PPP1R1A: variants seen among roughly 807,000 people sequenced by gnomAD.
PPP1R1A encodes the protein protein phosphatase 1 regulatory subunit 1A.
PPP1R1A carries 18 observed loss-of-function variants against 23.9 expected under a neutral mutation model. The ratio of observed to expected loss-of-function variants is 0.75; its 90% CI spans 0.52 to 1.12. PPP1R1A has a LOEUF of 1.12. Among genes scored for constraint, PPP1R1A ranks in the 50% most tolerant of loss-of-function variants. The pLI is 0.00. For missense variants in PPP1R1A, 207 were observed against 223.8 expected (o/e 0.92, Z 0.48); for synonymous variants, 84 against 80.7 (o/e 1.04, Z -0.22).
chr12:54,586,737 C>T (rs1432947059), intron 1 of PPP1R1A, among the ~76,000 whole-genome samples: 1 of 152,146 alleles, frequency 6.6e-6, no homozygotes, highest in Non-Finnish European at 1.5e-5. Flanking sequence ...TGTGCCCCTC[C>T]CTTGTCTCCT....
At chr12:54,584,077 A>T (rs1023564933) in intron 2 of PPP1R1A, among the ~76,000 whole-genome samples, 183 bp downstream of exon 2, 3 of 152,142 alleles carry the variant, frequency 2.0e-5, no homozygotes, top group Middle Eastern at 3.2e-3. Context: ...CTTTCCTAGA[A>T]CTGCTCCATC....
At position 54,581,861 on chromosome 12, in the gene PPP1R1A, C is replaced by T. The variant is rs1417241166; in HGVS notation, c.403+115G>A. The stretch of plus-strand genomic sequence containing the variant: ...TCCATATCCTTGAGACAGTTTTTGC[C>T]TACTACTAGGCCTCTCCCAGGCTCC... On this transcript the variant is annotated intron_variant, in intron 5 of 6. Transcript: ENST00000257905. This position sits in a 1 kb window ranked among gnomAD's most constrained non-coding sequence, Gnocchi z 4.1. 8.3e-7 allele frequency: 1 copy of T among 1,208,668 alleles called. No homozygotes were observed. The allele number at this position is 1,208,668 out of a possible 1,614,324, so 74.9% of individuals were successfully genotyped here.
At chr12:54,583,155 C>G (rs764246851) in intron 3 of PPP1R1A, 56 bp downstream of exon 3, 17 of 1,504,426 alleles carry the variant, frequency 1.1e-5, no homozygotes, top group Non-Finnish European at 1.5e-5. Flanking sequence ...AAGGAATAAT[C>G]CCCTAATGAA....
chr12:54,586,586 C>A (rs929138913), intron 1 of PPP1R1A, among the ~76,000 whole-genome samples: 4 of 152,186 alleles, frequency 2.6e-5, no homozygotes, highest in African/African-American at 4.8e-5. Context: ...AAGCCTGGAG[C>A]TTTTTGCCTA....
At position 54,581,955 on chromosome 12, in the gene PPP1R1A, C is replaced by T. The variant is rs201043916; in HGVS notation, c.403+21G>A. 1.3e-6 allele frequency: 2 copies of T among 1,593,950 alleles called. No homozygotes were observed. Among genetic ancestry groups the T allele is most frequent in the African/African-American group, 1.3e-5 (1 of 74,514 alleles). On this transcript the variant is annotated intron_variant, in intron 5 of 6. Transcript: ENST00000257905. The surrounding 1 kb of genome is among the most constrained non-coding windows in gnomAD (Gnocchi z 4.1). Reference sequence around the variant, plus strand: ...GGGCTGGGAAATAGGATGCCTGGGGCCCTCCCCAGCCTGAACATACTTTTT... The same window carrying T: ...GGGCTGGGAAATAGGATGCCTGGGGTCCTCCCCAGCCTGAACATACTTTTT...
chr12:54,588,311 A>G, intron 1 of PPP1R1A, 94 bp downstream of exon 1: 1 of 865,956 alleles, frequency 1.2e-6, no homozygotes, highest in South Asian at 2.2e-5. Context: ...CGCACTGCTA[A>G]GGGAGGACTA....
In PPP1R1A at chr12:54,579,867, T is replaced by C. The variant is rs1260457918; in HGVS notation, c.*520A>G. ...CCTCTTTCCCATGGGCCAAGTGCCA[T>C]GGTGCAGTTCCCCTTTTGTCCAGCA... On this transcript the variant is annotated 3_prime_UTR_variant, in exon 7 of 7. Transcript: ENST00000257905. 2.0e-6 allele frequency: 2 copies of C among 985,836 alleles called. No homozygotes were observed. The highest frequency in any genetic ancestry group is 3.5e-5 in the African/African-American group (2 of 57,242). 61.1% of individuals were successfully genotyped at this position (985,836 alleles called of 1,614,324 possible).
Position 54,581,368 on chromosome 12 carries a change from T to G in PPP1R1A, c.404-318A>C, listed in dbSNP as rs1228614445. Among the ~76,000 whole-genome samples the G allele has an allele frequency of 1.3e-5, 2 of 152,228 alleles. No homozygotes were observed. The highest frequency in any genetic ancestry group is 4.8e-5 in the African/African-American group (2 of 41,460). ...TCTTTATTCTGCTTAGTGAGACCAT[T>G]CACTGGATTGCAGAAATATTATGTG... is the stretch of plus-strand genomic sequence containing the variant. On this transcript the variant is annotated intron_variant, in intron 5 of 6. Coordinates refer to ENST00000257905, the MANE Select transcript of PPP1R1A (RefSeq NM_006741.4). This position sits in a 1 kb window ranked among gnomAD's most constrained non-coding sequence, Gnocchi z 4.1.
chr12:54,584,165 A>C, intron 2 of PPP1R1A, 95 bp downstream of exon 2: 8 of 1,246,256 alleles, frequency 6.4e-6, no homozygotes, highest in Non-Finnish European at 9.2e-6. Flanking sequence ...CCGCCTTCTC[A>C]GAGCTGTTCT....
At position 54,588,420 on chromosome 12, in the gene PPP1R1A, G is replaced by C. The variant is rs1957933578; in HGVS notation, c.69C>G (p.Pro23=). Residue 23 remains proline, a synonymous_variant, in exon 1 of 7, where the codon CCC becomes CCG. Transcript: ENST00000257905. ...TVPLLEPHLD[P]EAAEQIRRRR... is the part of the protein sequence containing the mutation. ...TGCTCCGCACCTGCTCCGCCGCCTC[G>C]GGGTCAAGGTGCGGCTCCAGCAGCG... is the stretch of plus-strand genomic sequence containing the variant. The C allele has an allele frequency of 1.3e-6, 2 of 1,500,048 alleles. No individual in the cohort carries two copies. The highest frequency in any genetic ancestry group is 1.8e-6 in the Non-Finnish European group (2 of 1,119,926). The allele number at this position is 1,500,048 out of a possible 1,614,324, so 92.9% of individuals were successfully genotyped here.
chr12:54,579,434 A>T lies in PPP1R1A; in HGVS notation c.*953T>A, dbSNP rs1392901785. On this transcript the variant is annotated 3_prime_UTR_variant, in exon 7 of 7. Transcript: ENST00000257905. The stretch of plus-strand genomic sequence containing the variant: ...ATAGTAGCTGCATGGCAGAAGTGGG[A>T]CCTGACGCTTCTCAGGCTCTGCTCT... 5 of 985,168 alleles carry T rather than the reference A, an allele frequency of 5.1e-6. No individual in the cohort carries two copies. In the African/African-American group the frequency reaches 8.7e-5, roughly 17 times the overall value. The allele number at this position is 985,168 out of a possible 1,614,324, so 61.0% of individuals were successfully genotyped here.
intron 1 of PPP1R1A, among the ~76,000 whole-genome samples, chr12:54,588,047 A>G (rs1248838388): frequency 2.0e-5 from 3 of 150,298 alleles, no homozygotes; most frequent in African/African-American, 7.4e-5. Flanking sequence ...AAGCTCAGAA[A>G]CTCTAGTGGG....
chr12:54,581,017 C>G lies in PPP1R1A; in HGVS notation c.437G>C (p.Arg146Thr). Residue 146 changes from arginine to threonine, a missense_variant, in exon 6 of 7, where the codon AGA becomes ACA. By Grantham distance (71) the Arg-to-Thr change is moderately conservative (BLOSUM62 -1). Coordinates refer to ENST00000257905, the MANE Select transcript of PPP1R1A (RefSeq NM_006741.4). This position sits in a 1 kb window ranked among gnomAD's most constrained non-coding sequence, Gnocchi z 4.1. ...TTTTGTGCTGGGTTCCTTACTGCCTCTCTCGTGAGTTTTAGGGATGCATTC... is the reference window on the plus strand; with the variant it reads ...TTTTGTGCTGGGTTCCTTACTGCCTGTCTCGTGAGTTTTAGGGATGCATTC... ...TAECIPKTHE[R>T]GSKEPSTKEP... 1 of 1,613,828 alleles carries G rather than the reference C, an allele frequency of 6.2e-7. No individual in the cohort carries two copies. Among genetic ancestry groups the G allele is most frequent in the Non-Finnish European group, 8.5e-7 (1 of 1,179,778 alleles).
In PPP1R1A at chr12:54,581,504, C is replaced by T. The variant is rs1239658913; in HGVS notation, c.404-454G>A. On this transcript the variant is annotated intron_variant, in intron 5 of 6. Coordinates refer to ENST00000257905, the MANE Select transcript of PPP1R1A (RefSeq NM_006741.4). The surrounding 1 kb of genome is among the most constrained non-coding windows in gnomAD (Gnocchi z 4.1). ...TCTGGAATATATCTAGGATAAGGGA[C>T]ATAGCGCACTGCTACCAGCTTCCAC... Among the ~76,000 whole-genome samples, 1 of 152,218 alleles carries T rather than the reference C, an allele frequency of 6.6e-6. No homozygotes were observed. Among genetic ancestry groups the T allele is most frequent in the Admixed American group, 6.5e-5 (1 of 15,284 alleles).
At chr12:54,585,865 C>T (rs777155467) in intron 1 of PPP1R1A, among the ~76,000 whole-genome samples, 25 of 152,104 alleles carry the variant, frequency 1.6e-4, no homozygotes, top group Non-Finnish European at 3.1e-4. Context: ...AATTCAGTGG[C>T]ATCTGTTTTT....
intron 2 of PPP1R1A, among the ~76,000 whole-genome samples, 166 bp from the exon 3 acceptor site, chr12:54,583,414 G>A (rs1055003647): frequency 6.6e-6 from 1 of 152,098 alleles, no homozygotes; most frequent in African/African-American, 2.4e-5. Flanking sequence ...CCTCCTCCCC[G>A]AAGCTCCTCT....
intron 1 of PPP1R1A, among the ~76,000 whole-genome samples, chr12:54,587,788 G>A (rs1256785466): frequency 1.3e-5 from 2 of 152,034 alleles, no homozygotes; most frequent in African/African-American, 4.8e-5. Context: ...GCGGAGACTT[G>A]AAGAAGGGAG....
chr12:54,579,951 T>G lies in PPP1R1A; in HGVS notation c.*436A>C, dbSNP rs1957838598. On this transcript the variant is annotated 3_prime_UTR_variant, in exon 7 of 7. Coordinates refer to ENST00000257905, the MANE Select transcript of PPP1R1A (RefSeq NM_006741.4). The stretch of plus-strand genomic sequence containing the variant: ...GGCACAGGCCTTAGAGCGCCGAGTC[T>G]TCCAGCTGCAGGGCAGGCCTGTGAG... The G allele has an allele frequency of 1.0e-6, 1 of 994,372 alleles. No homozygotes were observed. Among genetic ancestry groups the G allele is most frequent in the African/African-American group, 1.7e-5 (1 of 57,438 alleles). 61.6% of individuals were successfully genotyped at this position (994,372 alleles called of 1,614,324 possible).
At chr12:54,586,251 C>T (rs1695955998) in intron 1 of PPP1R1A, among the ~76,000 whole-genome samples, 1 of 152,170 alleles carries the variant, frequency 6.6e-6, no homozygotes, top group South Asian at 2.1e-4. Context: ...TTGCTTTGGA[C>T]AAGGTTTCTA....
Sources: allele counts gnomAD v4.1 joint callset (sites outside exome capture counted in the v4.1 genomes callset), GRCh38; gene constraint gnomAD v4.1.1; non-coding constraint Gnocchi (gnomAD v3.1); transcripts MANE v1.5; gene names NCBI Gene and HGNC (gene_info 2026-07-23, HGNC 2026-07-21).